The following LCA5L variants were observed in gnomAD, a reference collection of about 807,000 sequenced individuals.
The protein encoded by LCA5L is lebercilin-like protein.
LCA5L carries 35 observed loss-of-function variants against 45.4 expected under a neutral mutation model. The ratio of observed to expected loss-of-function variants is 0.77; its 90% CI spans 0.59 to 1.02. The LOEUF (loss-of-function observed/expected upper bound fraction) is 1.02. Ranked by LOEUF, LCA5L falls within the 50% of genes least tolerant of loss-of-function variation. The probability of loss-of-function intolerance (pLI) is 0.00; values close to 1 mark genes in which losing one functional copy is unlikely to be tolerated. For missense variants in LCA5L, 668 were observed against 761.6 expected, an observed-to-expected ratio of 0.88 and a Z score of 1.45; for synonymous variants, 233 against 264.7, an observed-to-expected ratio of 0.88 and a Z score of 1.16.
intron 3 of LCA5L, among the ~76,000 whole-genome samples, chr21:39,433,622 T>A (rs1055058075): frequency 6.6e-6 from 1 of 152,200 alleles, no homozygotes; most frequent in African/African-American, 2.4e-5. Flanking sequence ...TTGCAAAGAC[T>A]ATCCTTTTCC....
At position 39,409,176 on chromosome 21, in the gene LCA5L, T is replaced by C. The variant is rs769120484; in HGVS notation, c.1282+803A>G. 6.6e-6 allele frequency among the ~76,000 whole-genome samples: 1 copy of C among 152,040 alleles called. No homozygotes were observed. The highest frequency in any genetic ancestry group is 1.5e-5 in the Non-Finnish European group (1 of 68,020). On this transcript the variant is annotated intron_variant, in intron 10 of 10. Coordinates refer to ENST00000288350, the MANE Select transcript of LCA5L (RefSeq NM_152505.4). This position sits in a 1 kb window ranked among gnomAD's most constrained non-coding sequence, Gnocchi z 4.2. ...AGCACTGGTGCTCTCTCCCCGACTC[T>C]CCTCGTGCGAGCACTAAGGAAACGC...
chr21:39,442,112 G>A (rs1006305328), intron 2 of LCA5L, among the ~76,000 whole-genome samples: 8 of 152,312 alleles, frequency 5.3e-5, no homozygotes, highest in African/African-American at 7.2e-5. Flanking sequence ...TCCTGACAGC[G>A]ATCAGGGAAG....
intron 3 of LCA5L, among the ~76,000 whole-genome samples, chr21:39,431,819 C>T (rs2075764041): frequency 6.6e-6 from 1 of 152,010 alleles, no homozygotes; most frequent in African/African-American, 2.4e-5. Context: ...CCTGGCCTGC[C>T]ATAAATTTTC....
At chr21:39,419,178 C>T (rs2041839329) in intron 7 of LCA5L, among the ~76,000 whole-genome samples, 1 of 152,092 alleles carries the variant, frequency 6.6e-6, no homozygotes, top group Non-Finnish European at 1.5e-5. Context: ...TCTCCTGTCT[C>T]TGAGTCATCT....
At chr21:39,420,013 C>T (rs899772889) in intron 7 of LCA5L, among the ~76,000 whole-genome samples, 5 of 151,936 alleles carry the variant, frequency 3.3e-5, no homozygotes, top group African/African-American at 7.3e-5. Context: ...TGTTTTTAAA[C>T]GTTAATTTTG....
At chr21:39,413,280 T>C (rs1280439934) in intron 7 of LCA5L, among the ~76,000 whole-genome samples, 16 of 152,102 alleles carry the variant, frequency 1.1e-4, no homozygotes, top group Non-Finnish European at 2.4e-4. Context: ...CAGGATGCCA[T>C]CTCCACTGAG....
At chr21:39,420,186 A>G (rs1456810842) in intron 7 of LCA5L, among the ~76,000 whole-genome samples, 1 of 152,106 alleles carries the variant, frequency 6.6e-6, no homozygotes. Flanking sequence ...TTGTCTGTTC[A>G]TATGATTGTA....
chr21:39,426,221 C>T (rs955712868), intron 5 of LCA5L, among the ~76,000 whole-genome samples: 1 of 152,098 alleles, frequency 6.6e-6, no homozygotes, highest in East Asian at 1.9e-4. Flanking sequence ...AAGGTAAGTA[C>T]ACCACTTGCA....
At chr21:39,434,706 T>TA (rs374621459) in intron 3 of LCA5L, among the ~76,000 whole-genome samples, 6 of 152,000 alleles carry the variant, frequency 3.9e-5, no homozygotes, top group African/African-American at 1.4e-4. Context: ...TTTGAAGAGA[T>TA]AGGGTCTCAC....
chr21:39,437,731 T>G (rs9680463), intron 2 of LCA5L, among the ~76,000 whole-genome samples: 2,524 of 152,252 alleles, frequency 0.017, 71 homozygotes, highest in African/African-American at 0.058. Flanking sequence ...GAATTATAGG[T>G]GTGCCTGGCC....
At chr21:39,412,492 G>T (rs2040261493) in intron 7 of LCA5L, among the ~76,000 whole-genome samples, 1 of 152,166 alleles carries the variant, frequency 6.6e-6, no homozygotes, top group Admixed American at 6.6e-5. Flanking sequence ...AAAGGCTTTG[G>T]ACTCAAGACC....
At chr21:39,423,855 CTAAAAGCTGTGATAA>C (rs1248196582) in intron 5 of LCA5L, among the ~76,000 whole-genome samples, 1 of 152,072 alleles carries the variant, frequency 6.6e-6, no homozygotes, top group African/African-American at 2.4e-5. Flanking sequence ...AACAGCTAGA[CTAAAAGCTGTGATAA>C]TAGGCCAGGT....
chr21:39,431,826 T>C (rs1014566981), intron 3 of LCA5L, among the ~76,000 whole-genome samples: 3 of 152,116 alleles, frequency 2.0e-5, no homozygotes, highest in African/African-American at 7.2e-5. Context: ...TGCCATAAAT[T>C]TTCTAGTGGA....
At chr21:39,420,567 C>T (rs1266948803) in intron 7 of LCA5L, 139 bp downstream of exon 7, 1 of 475,196 alleles carries the variant, frequency 2.1e-6, no homozygotes, top group African/African-American at 2.0e-5. Context: ...GGATGGGGGC[C>T]CAGGCCCCCT....
rs889818203 is a variant in LCA5L at position 39,423,198 on chromosome 21, A to T, written c.615T>A (p.Asn205Lys). The change falls in exon 6 of 11, where the codon AAT becomes AAA. Residue 205 changes from asparagine (N) to lysine (K), a missense_variant. Physicochemically the swap from Asn to Lys is moderately conservative, Grantham distance 94 (BLOSUM62 0). Coordinates refer to ENST00000288350, the MANE Select transcript of LCA5L (RefSeq NM_152505.4). ...NLPQIMAKHQ[N>K]EVKNLRQLLR... ...GTAGTTGCCTTAAATTTTTTACTTC[A>T]TTCTGATGTTTAGCCATAATTTGAG... The T allele has an allele frequency of 5.0e-6, 8 of 1,612,982 alleles. No homozygotes were observed. The highest frequency in any genetic ancestry group is 6.8e-6 in the Non-Finnish European group (8 of 1,179,600).
At chr21:39,411,037 G>A (rs2040008355) in intron 8 of LCA5L, 1 of 428,730 alleles carries the variant, frequency 2.3e-6, no homozygotes, top group African/African-American at 2.0e-5. Flanking sequence ...CCTCACCAAT[G>A]AGAGGTATAC....
At chr21:39,412,311 G>GC (rs1169847823) in intron 7 of LCA5L, among the ~76,000 whole-genome samples, 1 of 152,160 alleles carries the variant, frequency 6.6e-6, no homozygotes, top group Non-Finnish European at 1.5e-5. Flanking sequence ...CTAGACAAGG[G>GC]CCGGGGGGGA....
At chr21:39,417,151 GCCT>G (rs1211179027) in intron 7 of LCA5L, among the ~76,000 whole-genome samples, 1 of 152,166 alleles carries the variant, frequency 6.6e-6, no homozygotes, top group Admixed American at 6.5e-5. Flanking sequence ...TCCTGCCCCA[GCCT>G]CCTGAGTAGC....
intron 2 of LCA5L, among the ~76,000 whole-genome samples, chr21:39,438,250 A>G (rs1284725084): frequency 6.6e-6 from 1 of 152,228 alleles, no homozygotes; most frequent in East Asian, 1.9e-4. Flanking sequence ...GAGAAAGTGG[A>G]CTTCAGTAAA....
Sources: gnomAD v4.1 joint callset for allele counts (sites outside exome capture counted in the v4.1 genomes callset) on GRCh38, gnomAD v4.1.1 for gene constraint, Gnocchi (gnomAD v3.1) non-coding constraint, MANE v1.5 for transcripts, NCBI Gene and HGNC (gene_info 2026-07-23, HGNC 2026-07-21) for gene names.